PDE3B: variants seen among roughly 807,000 people sequenced by gnomAD.
PDE3B encodes the protein cGMP-inhibited 3',5'-cyclic phosphodiesterase 3B.
PDE3B carries 66 observed loss-of-function variants against 116.8 expected under a neutral mutation model. That is an observed-to-expected ratio of 0.56 (90% CI 0.46 to 0.69). The LOEUF is 0.69. PDE3B is among the 30% of genes least tolerant of loss of function. The pLI is 0.00. For missense variants in PDE3B, 1,384 were observed against 1,368.1 expected, an observed-to-expected ratio of 1.01 and a Z score of -0.18; for synonymous variants, 595 against 533.6, an observed-to-expected ratio of 1.12 and a Z score of -1.59.
At chr11:14,672,094 G>C (rs530607088) in intron 1 of PDE3B, among the ~76,000 whole-genome samples, 1 of 148,062 alleles carries the variant, frequency 6.8e-6, no homozygotes, top group South Asian at 2.1e-4. Flanking sequence ...AGATACTAGT[G>C]TTAAAGTATC....
intron 4 of PDE3B, among the ~76,000 whole-genome samples, chr11:14,793,995 G>A (rs1354581213): frequency 1.3e-5 from 2 of 152,202 alleles, no homozygotes; most frequent in Non-Finnish European, 2.9e-5. Context: ...TTATACAACT[G>A]CATTGAAACT....
intron 1 of PDE3B, among the ~76,000 whole-genome samples, chr11:14,650,680 C>G (rs1436969750): frequency 6.6e-6 from 1 of 152,018 alleles, no homozygotes; most frequent in Non-Finnish European, 1.5e-5. Flanking sequence ...TACACATCCA[C>G]CCTTGGGAGG....
chr11:14,892,894 G>A, the PDE3B span, among the ~76,000 whole-genome samples: 1 of 152,290 alleles, frequency 6.6e-6, no homozygotes. Flanking sequence ...GTCTGCACTT[G>A]TTCACGGAGA....
At chr11:14,665,152 A>G (rs943793127) in intron 1 of PDE3B, among the ~76,000 whole-genome samples, 26 of 152,208 alleles carry the variant, frequency 1.7e-4, no homozygotes, top group Admixed American at 5.2e-4. Context: ...TATAAACAGA[A>G]CCAAAGACAA....
intron 1 of PDE3B, among the ~76,000 whole-genome samples, chr11:14,739,047 C>G (rs1245085534): frequency 1.3e-5 from 2 of 152,154 alleles, no homozygotes; most frequent in African/African-American, 4.8e-5. Context: ...ATGCCTCCAG[C>G]TTTGTTCTTT....
intron 10 of PDE3B, among the ~76,000 whole-genome samples, chr11:14,834,248 C>T (rs1257164378): frequency 1.3e-5 from 2 of 152,038 alleles, no homozygotes; most frequent in Admixed American, 6.6e-5. Context: ...TATTGGATAT[C>T]GACATTAACT....
chr11:14,658,600 C>T (rs891185537), intron 1 of PDE3B, among the ~76,000 whole-genome samples: 4 of 152,312 alleles, frequency 2.6e-5, no homozygotes, highest in Non-Finnish European at 2.9e-5. Context: ...CGTGATCCGC[C>T]CGCCTCGGCC....
the PDE3B span, chr11:14,892,258 C>T: frequency 1.3e-6 from 2 of 1,530,204 alleles, no homozygotes; most frequent in African/African-American, 2.7e-5. Context: ...CCAGGCACTC[C>T]CTCCAGCCCT....
intron 2 of PDE3B, among the ~76,000 whole-genome samples, chr11:14,780,391 C>T (rs1857950298): frequency 6.6e-6 from 1 of 152,148 alleles, no homozygotes; most frequent in Non-Finnish European, 1.5e-5. Context: ...TGCACTTATT[C>T]CAAAATTGAC....
chr11:14,646,128 G>A (rs963500905), intron 1 of PDE3B, among the ~76,000 whole-genome samples: 3 of 152,126 alleles, frequency 2.0e-5, no homozygotes, highest in Non-Finnish European at 1.5e-5. Context: ...GAGTAAGAGC[G>A]TACACCCTAG....
chr11:14,657,130 A>G (rs927886256), intron 1 of PDE3B, among the ~76,000 whole-genome samples: 1 of 152,172 alleles, frequency 6.6e-6, no homozygotes, highest in Non-Finnish European at 1.5e-5. Context: ...TACAGTCATA[A>G]TTTACTGTCC....
chr11:14,660,048 C>A (rs1490905587), intron 1 of PDE3B, among the ~76,000 whole-genome samples: 1 of 152,154 alleles, frequency 6.6e-6, no homozygotes, highest in Non-Finnish European at 1.5e-5. Context: ...TGCAACAATA[C>A]CCTGAAGGCA....
At chr11:14,800,194 G>C (rs984597814) in intron 4 of PDE3B, among the ~76,000 whole-genome samples, 1 of 152,110 alleles carries the variant, frequency 6.6e-6, no homozygotes, top group African/African-American at 2.4e-5. Flanking sequence ...ATGAAGCTTA[G>C]TTTGGCTGGA....
intron 1 of PDE3B, among the ~76,000 whole-genome samples, chr11:14,759,252 C>T (rs1050713611): frequency 3.9e-5 from 6 of 151,996 alleles, no homozygotes; most frequent in East Asian, 3.9e-4. Flanking sequence ...TGTCTCTGCC[C>T]GGCTTTGGTA....
intron 7 of PDE3B, among the ~76,000 whole-genome samples, chr11:14,819,582 C>G (rs528797669): frequency 6.6e-6 from 1 of 152,186 alleles, no homozygotes; most frequent in East Asian, 1.9e-4. Flanking sequence ...TTATATCATT[C>G]TGAAATATTT....
chr11:14,862,797 C>T (rs560107147), intron 14 of PDE3B, among the ~76,000 whole-genome samples: 87 of 152,190 alleles, frequency 5.7e-4, no homozygotes, highest in Non-Finnish European at 9.4e-4. Context: ...TGGTCTCGAA[C>T]TCCTGACCTT....
At chr11:14,686,437 C>A (rs1269199311) in intron 1 of PDE3B, among the ~76,000 whole-genome samples, 2 of 152,074 alleles carry the variant, frequency 1.3e-5, no homozygotes, top group Non-Finnish European at 2.9e-5. Context: ...TAGAACTTAG[C>A]CTTGAATTAA....
chr11:14,796,771 G>A (rs1858569891), intron 4 of PDE3B, among the ~76,000 whole-genome samples: 1 of 152,178 alleles, frequency 6.6e-6, no homozygotes, highest in African/African-American at 2.4e-5. Flanking sequence ...TTAGCCCTTT[G>A]TCAGATGGAT....
At chr11:14,754,224 A>G (rs1294019904) in intron 1 of PDE3B, among the ~76,000 whole-genome samples, 1 of 152,090 alleles carries the variant, frequency 6.6e-6, no homozygotes, top group Non-Finnish European at 1.5e-5. Context: ...AAATATTTAA[A>G]TAATTGGGTA....
Sources: gnomAD v4.1 joint callset for allele counts (sites outside exome capture counted in the v4.1 genomes callset) on GRCh38, gnomAD v4.1.1 for gene constraint, MANE v1.5 for transcripts, NCBI Gene and HGNC (gene_info 2026-07-23, HGNC 2026-07-21) for gene names.